Variants in SMARCA5 observed in about 807,000 individuals in gnomAD.
SMARCA5 encodes the protein SWI/SNF-related matrix-associated actin-dependent regulator of chromatin subfamily A member 5.
A neutral mutation model predicts 140.4 loss-of-function variants in SMARCA5; 18 were observed. The observed-to-expected ratio is 0.13, with a 90% confidence interval of 0.09 to 0.19. The LOEUF is 0.19. Among genes scored for constraint, SMARCA5 ranks in the 10% least tolerant of loss-of-function variants. The pLI, the probability that SMARCA5 is intolerant of heterozygous loss-of-function variation, is 1.00. For missense variants in SMARCA5, 606 were observed against 1,276.8 expected (o/e 0.47, Z 8.01); for synonymous variants, 449 against 419.6 (o/e 1.07, Z -0.86).
chr4:143,528,730 T>G lies in SMARCA5; in HGVS notation c.1089+16T>G. ...TTCAGCAGATGTAAGTATTTCCTGG[T>G]GCTTTCTGGTTAATAATAATATTTT... On this transcript the variant is annotated intron_variant, in intron 8 of 23. Transcript: ENST00000283131. The G allele has an allele frequency of 1.2e-6, 2 of 1,603,500 alleles. No homozygotes were observed. Among genetic ancestry groups the G allele is most frequent in the Non-Finnish European group, 1.7e-6 (2 of 1,176,680 alleles).
chr4:143,523,643 ATCTT>A (rs757951070), intron 3 of SMARCA5, among the ~76,000 whole-genome samples: 2 of 152,218 alleles, frequency 1.3e-5, no homozygotes, highest in Non-Finnish European at 2.9e-5. Flanking sequence ...GAATGCTTCT[ATCTT>A]GGAAGGCCGC....
Position 143,528,041 on chromosome 4 carries a change from T to C in SMARCA5, c.957+18T>C, listed in dbSNP as rs368043947. On this transcript the variant is annotated intron_variant, in intron 7 of 23. Transcript: ENST00000283131. ...AATCTAAGGTAATTTGATACTTAGA[T>C]GTGAAAAGCCTTCATGTAAGAATTT... 143 of 1,536,924 alleles carry C rather than the reference T, an allele frequency of 9.3e-5. 1 individual carries two copies. In the African/African-American group the frequency reaches 1.5e-3, roughly 16 times the overall value.
intron 11 of SMARCA5, 120 bp from the exon 12 acceptor site, chr4:143,538,470 C>CGTAT: frequency 1.4e-6 from 1 of 719,704 alleles, no homozygotes; most frequent in Non-Finnish European, 2.3e-6. Flanking sequence ...ATTTTTTTCC[C>CGTAT]CCTTGTAACC....
At chr4:143,544,897 A>AT (rs1737492093) in intron 17 of SMARCA5, 50 bp downstream of exon 17, 1 of 936,200 alleles carries the variant, frequency 1.1e-6, no homozygotes, top group Middle Eastern at 2.2e-4. Flanking sequence ...TGAAAATGTA[A>AT]TTTTTTTCAT....
At chr4:143,525,402 T>A (rs941707996) in intron 4 of SMARCA5, 49 bp from the exon 5 acceptor site, 1 of 1,105,722 alleles carries the variant, frequency 9.0e-7, no homozygotes, top group African/African-American at 1.5e-5. Flanking sequence ...AGAGATTGCC[T>A]TGTATTTCTT....
intron 11 of SMARCA5, among the ~76,000 whole-genome samples, chr4:143,537,917 C>CAAAAAAAA (rs34592654): frequency 2.0e-5 from 2 of 101,462 alleles, no homozygotes; most frequent in African/African-American, 3.8e-5. Context: ...GACTCCATCT[C>CAAAAAAAA]AAAAAAAAAA....
At chr4:143,551,796 T>C (rs1312916885) in intron 23 of SMARCA5, among the ~76,000 whole-genome samples, 1 of 152,150 alleles carries the variant, frequency 6.6e-6, no homozygotes, top group African/African-American at 2.4e-5. Context: ...ACCAGCACCA[T>C]GCTGTTTTGG....
chr4:143,521,741 A>G (rs1450242783), intron 3 of SMARCA5, 146 bp downstream of exon 3: 2 of 715,690 alleles, frequency 2.8e-6, no homozygotes, highest in African/African-American at 1.8e-5. Flanking sequence ...TGATTTAGCC[A>G]TAAATGTATA....
Position 143,555,074 on chromosome 4 carries a change from G to T in SMARCA5, c.*1890G>T. On this transcript the variant is annotated 3_prime_UTR_variant, in exon 24 of 24. Transcript: ENST00000283131. Reference sequence around the variant, plus strand: ...CTCTCCCGCTAAGCTTTTGTTTCCTGGCAGTAATTAAAATCTTCTGTCAGT... The same window carrying T: ...CTCTCCCGCTAAGCTTTTGTTTCCTTGCAGTAATTAAAATCTTCTGTCAGT... The T allele has an allele frequency of 1.7e-6, 1 of 602,596 alleles. No homozygotes were observed. The highest frequency in any genetic ancestry group is 2.2e-5 in the Admixed American group (1 of 46,322). 37.3% of individuals were successfully genotyped at this position (602,596 alleles called of 1,614,324 possible). A position where few individuals can be genotyped will look rare whatever the true frequency, so the allele number is the denominator to read the frequency against.
intron 4 of SMARCA5, 68 bp downstream of exon 4, chr4:143,524,535 A>T: frequency 1.0e-6 from 1 of 996,338 alleles, no homozygotes; most frequent in South Asian, 1.4e-5. Context: ...AATGTTTTGG[A>T]TTTGTGTTGG....
At chr4:143,546,929 G>A in intron 20 of SMARCA5, 21 bp downstream of exon 20, 2 of 1,610,042 alleles carry the variant, frequency 1.2e-6, no homozygotes, top group East Asian at 2.2e-5. Context: ...TAAGCAGGCT[G>A]TTGGAGTTTA....
chr4:143,544,712 AT>A, intron 16 of SMARCA5, 24 bp from the exon 17 acceptor site: 2 of 1,297,340 alleles, frequency 1.5e-6, no homozygotes, highest in Non-Finnish European at 2.2e-6. Context: ...AAAGTTGGTG[AT>A]TTGAGTTGTT....
At chr4:143,528,493 T>C in intron 7 of SMARCA5, 90 bp from the exon 8 acceptor site, 6 of 1,101,492 alleles carry the variant, frequency 5.4e-6, no homozygotes, top group Non-Finnish European at 6.5e-6. Flanking sequence ...CTATCATTGT[T>C]GGGCATTTGT....
chr4:143,524,309 A>G (rs767264063), intron 3 of SMARCA5, 58 bp from the exon 4 acceptor site: 6 of 1,204,244 alleles, frequency 5.0e-6, no homozygotes, highest in South Asian at 1.4e-5. Flanking sequence ...ATGTTTAAAC[A>G]GTAGCTGATA....
At chr4:143,533,377 A>AATTTCTAGAACTGTAC in intron 9 of SMARCA5, among the ~76,000 whole-genome samples, 1 of 152,250 alleles carries the variant, frequency 6.6e-6, no homozygotes, top group South Asian at 2.1e-4. Flanking sequence ...ACTTGAATAA[A>AATTTCTAGAACTGTAC]ATTTCTAGAA....
chr4:143,556,307 T>C lies in SMARCA5; in HGVS notation c.*3123T>C, dbSNP rs575385491. On this transcript the variant is annotated 3_prime_UTR_variant, in exon 24 of 24. Transcript: ENST00000283131. ...ATTATATAAATGATCTTTGGCTTAG[T>C]ACCTTTCTTAATCTCGATCTTAAAA... The C allele has an allele frequency of 6.6e-6, 1 of 152,342 alleles. No individual in the cohort carries two copies. The highest frequency in any genetic ancestry group is 1.5e-5 in the Non-Finnish European group (1 of 68,028). 9.4% of individuals were successfully genotyped at this position (152,342 alleles called of 1,614,324 possible).
At chr4:143,518,434 A>G (rs1029186392) in intron 2 of SMARCA5, among the ~76,000 whole-genome samples, 5 of 152,194 alleles carry the variant, frequency 3.3e-5, no homozygotes, top group African/African-American at 1.2e-4. Context: ...GAATACCACT[A>G]CACAGTGTGC....
Position 143,524,378 on chromosome 4 carries a change from G to A in SMARCA5, c.431G>A (p.Arg144His), listed in dbSNP as rs759214495. 2.5e-6 allele frequency: 4 copies of A among 1,609,680 alleles called. No homozygotes were observed. Among genetic ancestry groups the A allele is most frequent in the African/African-American group, 1.3e-5 (1 of 74,726 alleles). ...NLLSVGDYRH[R>H]RTEQEEDEEL... is the part of the protein sequence containing the mutation. ...TTTCATCTTAACAGTTACCGACACC[G>A]TAGAACAGAGCAAGAGGAGGATGAA... Residue 144 changes from arginine (R) to histidine (H), a missense_variant, in exon 4 of 24, where the codon CGT becomes CAT. Transcript: ENST00000283131.
At position 143,524,372 on chromosome 4, in the gene SMARCA5, G is replaced by A; in HGVS notation, c.425G>A (p.Arg142Gln). 3 of 1,597,166 alleles carry A rather than the reference G, an allele frequency of 1.9e-6. No individual in the cohort carries two copies. Among genetic ancestry groups the A allele is most frequent in the Non-Finnish European group, 2.6e-6 (3 of 1,172,340 alleles). Residue 142 changes from arginine to glutamine, a missense_variant, in exon 4 of 24, where the codon CGA (arginine) becomes CAA (glutamine). By Grantham distance (43) the Arg-to-Gln change is conservative (BLOSUM62 1). Coordinates refer to ENST00000283131, the MANE Select transcript of SMARCA5 (RefSeq NM_003601.4). ...TTTTATTTTCATCTTAACAGTTACC[G>A]ACACCGTAGAACAGAGCAAGAGGAG... is the stretch of plus-strand genomic sequence containing the variant. ...KQNLLSVGDY[R>Q]HRRTEQEEDE...
Sources: gnomAD v4.1 joint callset for allele counts (sites outside exome capture counted in the v4.1 genomes callset) on GRCh38, gnomAD v4.1.1 for gene constraint, MANE v1.5 for transcripts, NCBI Gene and HGNC (gene_info 2026-07-23, HGNC 2026-07-21) for gene names.